TAFA5: variants seen among roughly 807,000 people sequenced by gnomAD.
TAFA5 encodes the protein TAFA chemokine like family member 5.
In TAFA5, 6 loss-of-function variants were observed where a neutral mutation model predicts 15.3. The ratio of observed to expected loss-of-function variants is 0.39; its 90% CI spans 0.21 to 0.77. The LOEUF is 0.77. Among genes scored for constraint, TAFA5 ranks in the 30% least tolerant of loss-of-function variants. The probability of loss-of-function intolerance (pLI) is 0.41; values close to 1 mark genes in which losing one functional copy is unlikely to be tolerated. For missense variants in TAFA5, 161 were observed against 193.1 expected, an observed-to-expected ratio of 0.83 and a Z score of 0.98; for synonymous variants, 103 against 80.7, an observed-to-expected ratio of 1.28 and a Z score of -1.48.
intron 1 of TAFA5, among the ~76,000 whole-genome samples, chr22:48,509,332 G>A (rs1921126356): frequency 6.6e-6 from 1 of 152,150 alleles, no homozygotes; most frequent in Non-Finnish European, 1.5e-5. Context: ...ACCCAGTAGT[G>A]GGATTGCTAG....
intron 1 of TAFA5, among the ~76,000 whole-genome samples, chr22:48,638,788 C>T (rs1482556719): frequency 1.5e-5 from 2 of 136,150 alleles, no homozygotes; most frequent in African/African-American, 6.0e-5. Flanking sequence ...CGACACTAAG[C>T]CCTGGGTCAC....
At chr22:48,651,680 C>T (rs1347634262) in intron 2 of TAFA5, among the ~76,000 whole-genome samples, 2 of 151,994 alleles carry the variant, frequency 1.3e-5, no homozygotes, top group African/African-American at 4.8e-5. Context: ...ACGCTGAGGC[C>T]GTGGGTTTGG....
In TAFA5 at chr22:48,749,863, A is replaced by G. The variant is rs1170274972; in HGVS notation, c.*16A>G. 1 of 1,556,600 alleles carries G rather than the reference A, an allele frequency of 6.4e-7. No homozygotes were observed. The highest frequency in any genetic ancestry group is 1.9e-5 in the Admixed American group (1 of 52,080). On this transcript the variant is annotated 3_prime_UTR_variant, in exon 4 of 4. Coordinates refer to ENST00000402357, the MANE Select transcript of TAFA5 (RefSeq NM_001082967.3). ...GGTCTCCTGACAAACACAGCCCCTG[A>G]GGGGCCCCGGGAGTGGCCTTGGCTC...
At chr22:48,604,160 C>T (rs957227630) in intron 1 of TAFA5, among the ~76,000 whole-genome samples, 1 of 152,214 alleles carries the variant, frequency 6.6e-6, no homozygotes, top group African/African-American at 2.4e-5. Context: ...CATTGACGTG[C>T]CCAGCCACAC....
chr22:48,615,340 A>G (rs947951153), intron 1 of TAFA5, among the ~76,000 whole-genome samples: 1 of 152,220 alleles, frequency 6.6e-6, no homozygotes, highest in Non-Finnish European at 1.5e-5. Flanking sequence ...CTTGTCCCCA[A>G]GCAAAGGGAA....
intron 1 of TAFA5, among the ~76,000 whole-genome samples, chr22:48,588,841 A>T (rs1291028241): frequency 6.6e-6 from 1 of 152,048 alleles, no homozygotes; most frequent in Admixed American, 6.6e-5. Context: ...GACCGCATGG[A>T]GCCAACCTGG....
intron 1 of TAFA5, among the ~76,000 whole-genome samples, chr22:48,564,805 G>A (rs925519892): frequency 2.6e-5 from 4 of 152,324 alleles, no homozygotes; most frequent in Admixed American, 6.5e-5. Context: ...CTTTTGCAGC[G>A]AGGCTCAGCT....
At position 48,598,114 on chromosome 22, in the gene TAFA5, A is replaced by G. The variant is rs1466411772; in HGVS notation, c.113-48483A>G. On this transcript the variant is annotated intron_variant, in intron 1 of 3. Transcript: ENST00000402357. This position sits in a 1 kb window ranked among gnomAD's most constrained non-coding sequence, Gnocchi z 4.0. ...CTGCAGGGAAGAGGGCAGGCTGGAG[A>G]CGCAGCGAGAGGTGCAGCTGGCGTC... is the stretch of plus-strand genomic sequence containing the variant. Among the ~76,000 whole-genome samples, 4 of 152,148 alleles carry G rather than the reference A, an allele frequency of 2.6e-5. No individual in the cohort carries two copies. The highest frequency in any genetic ancestry group is 5.9e-5 in the Non-Finnish European group (4 of 68,028).
intron 1 of TAFA5, among the ~76,000 whole-genome samples, chr22:48,603,991 G>A (rs372541311): frequency 1.3e-5 from 2 of 152,288 alleles, no homozygotes; most frequent in African/African-American, 2.4e-5. Flanking sequence ...TGTGGGCCCC[G>A]ATGACACCCA....
Position 48,646,733 on chromosome 22 carries a change from C to A in TAFA5, c.249C>A (p.Pro83=). 1 of 1,583,054 alleles carries A rather than the reference C, an allele frequency of 6.3e-7. No homozygotes were observed. Among genetic ancestry groups the A allele is most frequent in the East Asian group, 2.3e-5 (1 of 43,904 alleles). ...TCGCCGGCACCACGAGAGCCCGGCC[C>A]GCCTGTGTGGACGGTAAGCACCCGT... is the stretch of plus-strand genomic sequence containing the variant. ...GQIAGTTRAR[P]ACVDARIIKT... Residue 83 remains proline (P), a synonymous_variant, in exon 2 of 4, where the codon CCC becomes CCA. Transcript: ENST00000402357.
intron 1 of TAFA5, among the ~76,000 whole-genome samples, chr22:48,629,911 A>G (rs758653278): frequency 1.1e-4 from 17 of 152,158 alleles, no homozygotes; most frequent in Non-Finnish European, 2.4e-4. Flanking sequence ...GCACCTGGGA[A>G]ATTGGAGCTG....
intron 1 of TAFA5, among the ~76,000 whole-genome samples, chr22:48,568,199 C>T (rs1176141927): frequency 6.6e-6 from 1 of 152,254 alleles, no homozygotes; most frequent in African/African-American, 2.4e-5. Flanking sequence ...AGCTGGTCAG[C>T]GAGAGAAAGC....
In TAFA5 at chr22:48,535,698, G is replaced by C. The variant is rs534624901; in HGVS notation, c.112+45994G>C. Among the ~76,000 whole-genome samples, 23 of 151,174 alleles carry C rather than the reference G, an allele frequency of 1.5e-4. No homozygotes were observed. In the South Asian group the frequency reaches 4.8e-3, roughly 31 times the overall value. ...AGTATATGCATATATGTAGGTGCAA[G>C]AATGCTGCACACACATCACACACAC... On this transcript the variant is annotated intron_variant, in intron 1 of 3. Transcript: ENST00000402357.
intron 1 of TAFA5, among the ~76,000 whole-genome samples, chr22:48,599,631 G>T (rs924503556): frequency 1.3e-5 from 2 of 152,248 alleles, no homozygotes; most frequent in Middle Eastern, 3.2e-3. Flanking sequence ...GGATGCATTT[G>T]CAGGGGCCAC....
chr22:48,552,656 C>A lies in TAFA5; in HGVS notation c.112+62952C>A, dbSNP rs1048489189. Among the ~76,000 whole-genome samples the A allele has an allele frequency of 1.3e-5, 2 of 152,136 alleles. No individual in the cohort carries two copies. The highest frequency in any genetic ancestry group is 4.8e-5 in the African/African-American group (2 of 41,424). On this transcript the variant is annotated intron_variant, in intron 1 of 3. Transcript: ENST00000402357. The surrounding 1 kb of genome is among the most constrained non-coding windows in gnomAD (Gnocchi z 4.1). Reference sequence around the variant, plus strand: ...GGGTGGGAGACCCCTTCCAGAGGGGCCCCTGTAGATTAGCTCAGCTTACTT... The same window carrying A: ...GGGTGGGAGACCCCTTCCAGAGGGGACCCTGTAGATTAGCTCAGCTTACTT...
At chr22:48,660,643 C>G (rs6010566) in intron 2 of TAFA5, among the ~76,000 whole-genome samples, 69,505 of 151,936 alleles carry the variant, frequency 0.46, 16,233 homozygotes, top group South Asian at 0.61. Context: ...ATCTCAGCAC[C>G]TCGTGGAGGC....
intron 3 of TAFA5, among the ~76,000 whole-genome samples, chr22:48,738,509 C>G (rs1316571026): frequency 6.6e-6 from 1 of 152,088 alleles, no homozygotes; most frequent in African/African-American, 2.4e-5. Context: ...TCTGGCCTCT[C>G]CTGACTCCTT....
chr22:48,640,635 T>G (rs1032904502), intron 1 of TAFA5, among the ~76,000 whole-genome samples: 12 of 152,124 alleles, frequency 7.9e-5, no homozygotes, highest in Non-Finnish European at 1.5e-4. Context: ...GGCTCCTAAG[T>G]GTGCAAGCTC....
intron 1 of TAFA5, among the ~76,000 whole-genome samples, chr22:48,581,146 G>T (rs1924024389): frequency 6.6e-6 from 1 of 152,250 alleles, no homozygotes; most frequent in South Asian, 2.1e-4. Context: ...ACCGTAATGG[G>T]ATTCTCATCT....
Sources: allele counts gnomAD v4.1 joint callset (sites outside exome capture counted in the v4.1 genomes callset), GRCh38; gene constraint gnomAD v4.1.1; non-coding constraint Gnocchi (gnomAD v3.1); transcripts MANE v1.5; gene names NCBI Gene and HGNC (gene_info 2026-07-23, HGNC 2026-07-21).